The following RAD50 variants were observed in gnomAD, a reference collection of about 807,000 sequenced individuals.
RAD50 encodes DNA repair protein RAD50.
Under a neutral mutation model 168.8 loss-of-function variants are expected in RAD50, and 132 were observed. The ratio of observed to expected loss-of-function variants is 0.78; its 90% CI spans 0.68 to 0.90. The LOEUF (loss-of-function observed/expected upper bound fraction) is 0.90. Ranked by LOEUF, RAD50 falls within the 40% of genes least tolerant of loss-of-function variation. The pLI is 0.00. For synonymous variants in RAD50, 525 were observed against 497.4 expected (o/e 1.06, Z -0.74); for missense variants, 1,347 against 1,534.4 (o/e 0.88, Z 2.04).
At chr5:132,630,043 C>CT (rs753085121) in intron 21 of RAD50, among the ~76,000 whole-genome samples, 10,988 of 141,220 alleles carry the variant, frequency 0.078, 1,381 homozygotes, top group African/African-American at 0.27. Context: ...TTAGGTAATA[C>CT]TTTTTTTTTT....
chr5:132,607,598 G>T (rs907198258), intron 16 of RAD50, among the ~76,000 whole-genome samples: 1 of 152,080 alleles, frequency 6.6e-6, no homozygotes, highest in Non-Finnish European at 1.5e-5. Flanking sequence ...AATAGTACTT[G>T]CATCTGTATA....
At chr5:132,594,327 G>A (rs1750752533) in intron 11 of RAD50, among the ~76,000 whole-genome samples, 1 of 152,164 alleles carries the variant, frequency 6.6e-6, no homozygotes, top group African/African-American at 2.4e-5. Context: ...TTATGTGTGA[G>A]TATTGAGGTT....
rs187437679 is a variant in RAD50 at position 132,570,332 on chromosome 5, A to G, written c.214-5445A>G. Among the ~76,000 whole-genome samples the G allele has an allele frequency of 1.5e-3, 236 of 152,356 alleles. 1 individual carries two copies. Among genetic ancestry groups the G allele is most frequent in the Admixed American group, 8.2e-3 (125 of 15,310 alleles). On this transcript the variant is annotated intron_variant, in intron 2 of 24. Transcript: ENST00000378823. ...TAGAACCTTAACTAATATAAAAGGA[A>G]TAATGGAACTAGAAAATTACTATAG...
chr5:132,597,794 C>G (rs1750817260), intron 13 of RAD50, among the ~76,000 whole-genome samples: 1 of 151,896 alleles, frequency 6.6e-6, no homozygotes. Context: ...AATAGATAAC[C>G]AACACAAGCA....
rs765674469 is a variant in RAD50, at chr5:132,604,858, G to T, written c.2577G>T (p.Gln859His). 2.5e-6 allele frequency: 4 copies of T among 1,613,676 alleles called. No individual in the cohort carries two copies. The South Asian group carries it at 3.3e-5, about 13-fold the overall frequency. ...NRKLIQDQQE[Q>H]IQHLKSTTNE... ...AGCTTATACAGGACCAGCAGGAACA[G>T]ATTCAACATCTAAAAAGTACAACAA... The change falls in exon 16 of 25, where the codon CAG becomes CAT. Residue 859 changes from glutamine (Q) to histidine (H), a missense_variant. Physicochemically the swap from Gln to His is conservative, Grantham distance 24. Transcript: ENST00000378823.
chr5:132,630,423 C>T (rs1432779298), intron 21 of RAD50, among the ~76,000 whole-genome samples: 1 of 152,184 alleles, frequency 6.6e-6, no homozygotes, highest in Non-Finnish European at 1.5e-5. Flanking sequence ...CTGTGAGGCT[C>T]TTCAGAGCCT....
intron 22 of RAD50, among the ~76,000 whole-genome samples, chr5:132,637,738 T>C (rs1428454595): frequency 6.6e-6 from 1 of 152,188 alleles, no homozygotes; most frequent in Non-Finnish European, 1.5e-5. Flanking sequence ...TTCACCATGT[T>C]GGCCAGGCTG....
At chr5:132,601,926 A>G (rs1388051437) in intron 13 of RAD50, among the ~76,000 whole-genome samples, 5 of 152,156 alleles carry the variant, frequency 3.3e-5, no homozygotes, top group Admixed American at 2.6e-4. Context: ...GAGTTGAACA[A>G]TGAGAGCACA....
intron 21 of RAD50, among the ~76,000 whole-genome samples, chr5:132,619,783 CCTCTCTCTCTCT>C (rs550575815): frequency 1.6e-5 from 2 of 125,722 alleles, no homozygotes; most frequent in Non-Finnish European, 3.2e-5. Context: ...CTTCCCTACT[CCTCTCTCTCTCT>C]CTCTCTCTCT....
chr5:132,612,785 G>A lies in RAD50; in HGVS notation c.3037-3218G>A, dbSNP rs544074712. On this transcript the variant is annotated intron_variant, in intron 19 of 24. Coordinates refer to ENST00000378823, the MANE Select transcript of RAD50 (RefSeq NM_005732.4). ...CAAGGCTGCAGTGAGCCCTTACTAC[G>A]CCACTGCACTCCAGCCTGGGCAACA... is the stretch of plus-strand genomic sequence containing the variant. Among the ~76,000 whole-genome samples the A allele has an allele frequency of 1.1e-4, 16 of 151,994 alleles. No individual in the cohort carries two copies. In the South Asian group the frequency reaches 2.1e-3, roughly 20 times the overall value.
At chr5:132,605,023 T>C (rs2149847910) in intron 16 of RAD50, 24 bp downstream of exon 16, 1 of 1,477,502 alleles carries the variant, frequency 6.8e-7, no homozygotes, top group Non-Finnish European at 9.2e-7. Context: ...TACATGTTTT[T>C]TGTAAAATTA....
rs587782450 is a variant in RAD50 at position 132,595,575 on chromosome 5, A to T, written c.1972A>T (p.Met658Leu). ...EIEKSSKQRA[M>L]LAGATAVYSQ... The stretch of plus-strand genomic sequence containing the variant: ...TATAATTTATTTTCTTAAAATAGCC[A>T]TGCTGGCTGGAGCCACAGCAGTTTA... Residue 658 changes from methionine to leucine, a missense_variant and splice_region_variant, in exon 13 of 25, where the codon ATG becomes TTG. Transcript: ENST00000378823. 1 of 1,602,396 alleles carries T rather than the reference A, an allele frequency of 6.2e-7. No homozygotes were observed. Among genetic ancestry groups the T allele is most frequent in the Non-Finnish European group, 8.6e-7 (1 of 1,169,406 alleles).
intron 9 of RAD50, among the ~76,000 whole-genome samples, chr5:132,590,783 A>T (rs1330446532): frequency 6.6e-6 from 1 of 152,176 alleles, no homozygotes; most frequent in African/African-American, 2.4e-5. Context: ...TTGTCAGTTT[A>T]GCACTTCATC....
intron 12 of RAD50, 128 bp from the exon 13 acceptor site, chr5:132,595,445 A>T: frequency 1.8e-6 from 1 of 561,410 alleles, no homozygotes; most frequent in Non-Finnish European, 2.9e-6. Context: ...CAGAATTTTT[A>T]TTTCTTTTAT....
At chr5:132,626,208 C>T (rs961593643) in intron 21 of RAD50, among the ~76,000 whole-genome samples, 2 of 152,164 alleles carry the variant, frequency 1.3e-5, no homozygotes, top group Non-Finnish European at 2.9e-5. Flanking sequence ...TTGATGGACA[C>T]TTAGGTTGCT....
chr5:132,626,269 A>G (rs1266145716), intron 21 of RAD50, among the ~76,000 whole-genome samples: 2 of 152,192 alleles, frequency 1.3e-5, no homozygotes, highest in African/African-American at 4.8e-5. Context: ...GGGAGTGCAG[A>G]TATCTCCTCA....
intron 21 of RAD50, among the ~76,000 whole-genome samples, chr5:132,633,870 G>T (rs1476096596): frequency 6.6e-6 from 1 of 151,690 alleles, no homozygotes; most frequent in East Asian, 1.9e-4. Context: ...CATTCATTTG[G>T]ATTTTATTTT....
chr5:132,578,555 G>T, intron 3 of RAD50, among the ~76,000 whole-genome samples: 1 of 97,736 alleles, frequency 1.0e-5, no homozygotes, highest in South Asian at 3.1e-4. Context: ...TTTTGAGACA[G>T]AGTTTCGCTC....
chr5:132,636,036 A>T (rs754585570), intron 21 of RAD50, among the ~76,000 whole-genome samples: 1 of 152,222 alleles, frequency 6.6e-6, no homozygotes, highest in Non-Finnish European at 1.5e-5. Context: ...CCAGAAGATC[A>T]CGAAATGATT....
Sources: allele counts gnomAD v4.1 joint callset (sites outside exome capture counted in the v4.1 genomes callset), GRCh38; gene constraint gnomAD v4.1.1; transcripts MANE v1.5; gene names NCBI Gene and HGNC (gene_info 2026-07-23, HGNC 2026-07-21).